Variants in CLPP observed in about 807,000 individuals in gnomAD.
The protein encoded by CLPP is ATP-dependent Clp protease proteolytic subunit, mitochondrial.
CLPP carries 14 observed loss-of-function variants against 27.4 expected under a neutral mutation model. That is an observed-to-expected ratio of 0.51 (90% CI 0.34 to 0.80). The LOEUF (loss-of-function observed/expected upper bound fraction) is 0.80, where lower values mean the gene tolerates loss of function less well. CLPP is among the 30% of genes least tolerant of loss of function. The pLI, the probability that CLPP is intolerant of heterozygous loss-of-function variation, is 0.02. For synonymous variants in CLPP, 193 were observed against 166.6 expected (o/e 1.16, Z -1.22); for missense variants, 361 against 403.6 (o/e 0.89, Z 0.90).
At chr19:6,367,999 G>T (rs146062613) in intron 5 of CLPP, among the ~76,000 whole-genome samples, 2,533 of 152,126 alleles carry the variant, frequency 0.017, 66 homozygotes, top group African/African-American at 0.059. Context: ...CCAAAGTGCT[G>T]GGATTACAAG....
At position 6,361,789 on chromosome 19, in the gene CLPP, G is replaced by T. The variant is rs1248987715; in HGVS notation, c.198+17G>T. On this transcript the variant is annotated intron_variant, in intron 1 of 5. Coordinates refer to ENST00000245816, the MANE Select transcript of CLPP (RefSeq NM_006012.4). ...GAGCAGACGGTACGGCGGCCGGGCG[G>T]GGACACGGTTCGGGGGCTCCGGGCT... is the stretch of plus-strand genomic sequence containing the variant. 6.4e-7 allele frequency: 1 copy of T among 1,562,910 alleles called. No homozygotes were observed. The highest frequency in any genetic ancestry group is 1.8e-5 in the Admixed American group (1 of 55,528).
chr19:6,364,778 G>A, intron 4 of CLPP, 139 bp downstream of exon 4: 1 of 802,636 alleles, frequency 1.2e-6, no homozygotes, highest in Admixed American at 2.9e-5. Context: ...GCCCAGGCTG[G>A]AGTGCAGTGG....
At chr19:6,368,514 T>G in intron 5 of CLPP, 24 bp from the exon 6 acceptor site, 1 of 1,613,732 alleles carries the variant, frequency 6.2e-7, no homozygotes, top group Non-Finnish European at 8.5e-7. Context: ...CCCTAATGTG[T>G]CTCACCTCCT....
chr19:6,367,470 C>A (rs185188288), intron 5 of CLPP, among the ~76,000 whole-genome samples: 1 of 151,694 alleles, frequency 6.6e-6, no homozygotes, highest in East Asian at 1.9e-4. Context: ...TCTGTGATTC[C>A]ATTTATTTAA....
At chr19:6,362,042 G>GCTCCCCTTCTAACCCCCTTCC in intron 2 of CLPP, 102 bp downstream of exon 2, 1 of 1,135,044 alleles carries the variant, frequency 8.8e-7, no homozygotes. Context: ...CTCAGGCTCC[G>GCTCCCCTTCTAACCCCCTTCC]CTCCCCTTCT....
chr19:6,361,943 G>T lies in CLPP; in HGVS notation c.270+3G>T. The T allele has an allele frequency of 6.3e-7, 1 of 1,596,254 alleles. No homozygotes were observed. Among genetic ancestry groups the T allele is most frequent in the South Asian group, 1.1e-5 (1 of 90,804 alleles). The stretch of plus-strand genomic sequence containing the variant: ...GCATCGTGTGCGTCATGGGCCCGGT[G>T]AGCGCCCCGCGCCGGGACCCTCCCC... On this transcript the variant is annotated splice_donor_region_variant and intron_variant, in intron 2 of 5. Coordinates refer to ENST00000245816, the MANE Select transcript of CLPP (RefSeq NM_006012.4).
chr19:6,366,965 G>T (rs2091865571), intron 5 of CLPP, among the ~76,000 whole-genome samples: 1 of 151,902 alleles, frequency 6.6e-6, no homozygotes, highest in African/African-American at 2.4e-5. Flanking sequence ...GAGGCCAGGT[G>T]TGGTGGCTCA....
intron 4 of CLPP, 92 bp downstream of exon 4, chr19:6,364,731 G>GTTTTT (rs371513262): frequency 2.3e-6 from 2 of 868,062 alleles, no homozygotes; most frequent in Non-Finnish European, 3.3e-6. Context: ...GGGAGGGGAT[G>GTTTTT]TTTTTTTTTT....
intron 4 of CLPP, among the ~76,000 whole-genome samples, chr19:6,365,343 G>A (rs1290355363): frequency 6.6e-6 from 1 of 152,114 alleles, no homozygotes; most frequent in African/African-American, 2.4e-5. Context: ...GCTGGGCATG[G>A]TGGTGCGTGC....
At chr19:6,361,983 C>A in intron 2 of CLPP, 43 bp downstream of exon 2, 1 of 1,557,910 alleles carries the variant, frequency 6.4e-7, no homozygotes. Flanking sequence ...CTCTCCCAAG[C>A]GCCTGCCGAC....
At position 6,364,451 on chromosome 19, in the gene CLPP, G is replaced by T; in HGVS notation, c.368-1G>T. The T allele has an allele frequency of 6.2e-7, 1 of 1,605,798 alleles. No homozygotes were observed. Among genetic ancestry groups the T allele is most frequent in the Non-Finnish European group, 8.5e-7 (1 of 1,177,592 alleles). Reference sequence around the variant, plus strand: ...CCCCTCACTTGCTCCCCCGCCCACAGGTGGTGTGGTGACCGCGGGCCTGGC... The same window carrying T: ...CCCCTCACTTGCTCCCCCGCCCACATGTGGTGTGGTGACCGCGGGCCTGGC... On this transcript the variant is annotated splice_acceptor_variant, in intron 3 of 5. Transcript: ENST00000245816. LOFTEE classifies it high-confidence loss of function.
rs1409915170 is a variant in CLPP at position 6,369,262 on chromosome 19, A to G, written c.*552A>G. 3.9e-5 allele frequency among the ~76,000 whole-genome samples: 6 copies of G among 152,090 alleles called. No individual in the cohort carries two copies. Among genetic ancestry groups the G allele is most frequent in the African/African-American group, 1.4e-4 (6 of 41,400 alleles). On this transcript the variant is annotated 3_prime_UTR_variant, in exon 6 of 6. Transcript: ENST00000245816. ...ATGGTGAAACCCCATTTCTACTAAA[A>G]ATACAAAAATTAGCCGAGCGTGGTG...
chr19:6,366,440 C>T (rs1369092512), intron 5 of CLPP, 77 bp downstream of exon 5: 4 of 1,136,916 alleles, frequency 3.5e-6, no homozygotes, highest in South Asian at 1.3e-5. Context: ...GCTTCTCCAC[C>T]TGGCCCCTGC....
intron 5 of CLPP, among the ~76,000 whole-genome samples, chr19:6,366,812 G>A (rs2091864825): frequency 6.6e-6 from 1 of 151,998 alleles, no homozygotes; most frequent in South Asian, 2.1e-4. Flanking sequence ...CTAATTTTTT[G>A]TAGAGACGTG....
At chr19:6,365,947 T>C (rs796449504) in intron 4 of CLPP, among the ~76,000 whole-genome samples, 2 of 143,710 alleles carry the variant, frequency 1.4e-5, no homozygotes, top group African/African-American at 2.7e-5. Context: ...CAAGACCCCA[T>C]CTCTAAAAAA....
rs1213406118 is a variant in CLPP, at chr19:6,369,843, A to T, written c.*1133A>T. ...TTGAGAATAGATCATAAAAGGCCTGACATCTAAAAGGAGGGATGTGAACCA... is the reference window on the plus strand; with the variant it reads ...TTGAGAATAGATCATAAAAGGCCTGTCATCTAAAAGGAGGGATGTGAACCA... On this transcript the variant is annotated 3_prime_UTR_variant, in exon 6 of 6. Transcript: ENST00000245816. 1.3e-5 allele frequency among the ~76,000 whole-genome samples: 2 copies of T among 152,044 alleles called. No individual in the cohort carries two copies. Among genetic ancestry groups the T allele is most frequent in the Admixed American group, 1.3e-4 (2 of 15,254 alleles).
chr19:6,364,583 C>T lies in CLPP; in HGVS notation c.499C>T (p.Arg167Cys), dbSNP rs1455608268. Reference protein sequence around the residue: ...LLLAAGTPGMRHSLPNSRIMI... With the variant: ...LLLAAGTPGMCHSLPNSRIMI... Reference sequence around the variant, plus strand: ...TCTCGCCGCCGGCACCCCAGGCATGCGCCACTCGCTCCCCAACTCCCGTAT... The same window carrying T: ...TCTCGCCGCCGGCACCCCAGGCATGTGCCACTCGCTCCCCAACTCCCGTAT... Residue 167 changes from arginine (R) to cysteine (C), a missense_variant, in exon 4 of 6, where the codon CGC becomes TGC. This residue lies in a region of CLPP where 213 missense variants were observed against 280.9 expected (regional missense o/e 0.76). Transcript: ENST00000245816. 2 of 1,613,076 alleles carry T rather than the reference C, an allele frequency of 1.2e-6. No individual in the cohort carries two copies. The highest frequency in any genetic ancestry group is 1.7e-6 in the Non-Finnish European group (2 of 1,179,894).
In CLPP at chr19:6,361,953, C is replaced by A; in HGVS notation, c.270+13C>A. ...CGTCATGGGCCCGGTGAGCGCCCCGCGCCGGGACCCTCCCCAGGACTCTCC... is the reference window on the plus strand; with the variant it reads ...CGTCATGGGCCCGGTGAGCGCCCCGAGCCGGGACCCTCCCCAGGACTCTCC... On this transcript the variant is annotated intron_variant, in intron 2 of 5. Coordinates refer to ENST00000245816, the MANE Select transcript of CLPP (RefSeq NM_006012.4). 6.3e-7 allele frequency: 1 copy of A among 1,595,376 alleles called. No individual in the cohort carries two copies. Among genetic ancestry groups the A allele is most frequent in the Non-Finnish European group, 8.5e-7 (1 of 1,178,406 alleles).
intron 3 of CLPP, among the ~76,000 whole-genome samples, chr19:6,364,073 C>T (rs2091849447): frequency 6.7e-6 from 1 of 149,766 alleles, no homozygotes; most frequent in African/African-American, 2.5e-5. Flanking sequence ...TTCTGTCGCC[C>T]AGGCTGGAGT....
Sources: gnomAD v4.1 joint callset for allele counts (sites outside exome capture counted in the v4.1 genomes callset) on GRCh38, gnomAD v4.1.1 for gene constraint, gnomAD v4.1.1 regional missense constraint, MANE v1.5 for transcripts, NCBI Gene and HGNC (gene_info 2026-07-23, HGNC 2026-07-21) for gene names.